GALNT13: variants seen among roughly 807,000 people sequenced by gnomAD.
GALNT13 encodes UDP-GalNAc:polypeptide N-acetylgalactosaminyltransferase 13.
In GALNT13, 28 loss-of-function variants were observed where a neutral mutation model predicts 64.2. That is an observed-to-expected ratio of 0.44 (90% CI 0.32 to 0.60). The LOEUF is 0.60. Among genes scored for constraint, GALNT13 ranks in the 20% least tolerant of loss-of-function variants. The pLI is 0.05. For synonymous variants in GALNT13, 214 were observed against 224.6 expected, an observed-to-expected ratio of 0.95 and a Z score of 0.42; for missense variants, 577 against 669.8, an observed-to-expected ratio of 0.86 and a Z score of 1.53.
the GALNT13 span, among the ~76,000 whole-genome samples, chr2:153,508,690 G>A: frequency 6.6e-6 from 1 of 152,198 alleles, no homozygotes; most frequent in African/African-American, 2.4e-5. Flanking sequence ...TAGCATCTCA[G>A]GGAGCCTGCA....
chr2:153,709,078 A>G, the GALNT13 span, among the ~76,000 whole-genome samples: 2 of 152,102 alleles, frequency 1.3e-5, no homozygotes, highest in Non-Finnish European at 1.5e-5. Context: ...CTGCGCAATA[A>G]TTTTTTAAAT....
chr2:154,081,291 T>G (rs1321844982), intron 3 of GALNT13, among the ~76,000 whole-genome samples: 1 of 151,626 alleles, frequency 6.6e-6, no homozygotes, highest in Non-Finnish European at 1.5e-5. Context: ...AATATTGACA[T>G]GTGAGCCATC....
chr2:153,220,499 A>G, the GALNT13 span, among the ~76,000 whole-genome samples: 6 of 152,198 alleles, frequency 3.9e-5, no homozygotes, highest in Non-Finnish European at 7.3e-5. Context: ...CACACTGCGC[A>G]TGCTCACCTC....
intron 1 of GALNT13, among the ~76,000 whole-genome samples, chr2:153,892,990 T>G (rs1431377829): frequency 6.6e-6 from 1 of 152,120 alleles, no homozygotes; most frequent in Non-Finnish European, 1.5e-5. Flanking sequence ...TCACAAGATA[T>G]GAAGTCTTGA....
the GALNT13 span, among the ~76,000 whole-genome samples, chr2:153,510,641 A>G: frequency 6.6e-6 from 1 of 152,128 alleles, no homozygotes; most frequent in Non-Finnish European, 1.5e-5. Context: ...ACCTTCAGCG[A>G]TTCTGCTTTA....
chr2:153,620,734 T>C, the GALNT13 span, among the ~76,000 whole-genome samples: 4 of 152,080 alleles, frequency 2.6e-5, no homozygotes, highest in Non-Finnish European at 4.4e-5. Flanking sequence ...AAGTCCTATA[T>C]CTCTGTTTCT....
At chr2:153,957,456 A>G (rs1692641562) in intron 3 of GALNT13, among the ~76,000 whole-genome samples, 1 of 152,226 alleles carries the variant, frequency 6.6e-6, no homozygotes, top group African/African-American at 2.4e-5. Flanking sequence ...CAATGGTCCA[A>G]GACTTCCAGT....
the GALNT13 span, among the ~76,000 whole-genome samples, chr2:153,555,782 A>G: frequency 3.3e-5 from 5 of 152,318 alleles, no homozygotes; most frequent in African/African-American, 1.2e-4. Context: ...TGTTTGTAAG[A>G]TCCGATCTTT....
At chr2:154,348,864 G>C (rs937196099) in intron 9 of GALNT13, among the ~76,000 whole-genome samples, 1 of 152,142 alleles carries the variant, frequency 6.6e-6, no homozygotes, top group Non-Finnish European at 1.5e-5. Context: ...GAATCAAACA[G>C]AGCCTTTCCA....
At chr2:154,077,040 A>G (rs907916656) in intron 3 of GALNT13, among the ~76,000 whole-genome samples, 3 of 151,668 alleles carry the variant, frequency 2.0e-5, no homozygotes, top group Non-Finnish European at 3.0e-5. Context: ...GAGGCCAAAT[A>G]ATAGTTGTAA....
At chr2:153,792,978 T>C in the GALNT13 span, among the ~76,000 whole-genome samples, 14 of 147,754 alleles carry the variant, frequency 9.5e-5, no homozygotes, top group Non-Finnish European at 2.1e-4. Context: ...TTCTTTTTTT[T>C]TTTTTTTTTT....
the GALNT13 span, among the ~76,000 whole-genome samples, chr2:153,436,954 T>C: frequency 6.6e-6 from 1 of 152,212 alleles, no homozygotes; most frequent in Admixed American, 6.5e-5. Flanking sequence ...CTTTCTCTTG[T>C]GGGCATTTAG....
At chr2:153,642,959 A>G in the GALNT13 span, among the ~76,000 whole-genome samples, 2 of 151,662 alleles carry the variant, frequency 1.3e-5, no homozygotes, top group African/African-American at 2.4e-5. Context: ...TAATTGATGT[A>G]TCAAGACAAT....
chr2:153,770,498 C>G, the GALNT13 span, among the ~76,000 whole-genome samples: 1 of 152,224 alleles, frequency 6.6e-6, no homozygotes, highest in Non-Finnish European at 1.5e-5. Context: ...CTACCCAGTG[C>G]TACGCACTGG....
At chr2:154,246,020 C>T (rs754288330) in intron 7 of GALNT13, 38 bp downstream of exon 7, 46 of 1,412,428 alleles carry the variant, frequency 3.3e-5, no homozygotes, top group African/African-American at 2.9e-5. Context: ...ATGTATATCC[C>T]CCTAAAAATT....
chr2:153,948,164 CT>C (rs928063786), intron 3 of GALNT13, among the ~76,000 whole-genome samples: 19 of 150,890 alleles, frequency 1.3e-4, no homozygotes, highest in Admixed American at 9.3e-4. Flanking sequence ...GACTTTTGGG[CT>C]TTTTTTGGTT....
chr2:153,181,034 T>TTTTC, the GALNT13 span, among the ~76,000 whole-genome samples: 1 of 122,938 alleles, frequency 8.1e-6, no homozygotes, highest in East Asian at 2.5e-4. Flanking sequence ...TTGTTTCTTT[T>TTTTC]TTTTTTTTTT....
the GALNT13 span, among the ~76,000 whole-genome samples, chr2:153,539,949 A>T: frequency 6.6e-6 from 1 of 152,232 alleles, no homozygotes; most frequent in Admixed American, 6.5e-5. Context: ...ACAATATGGT[A>T]GAAAAGAAAA....
chr2:154,421,725 A>G (rs996984305), intron 11 of GALNT13, among the ~76,000 whole-genome samples: 3 of 152,132 alleles, frequency 2.0e-5, no homozygotes, highest in African/African-American at 7.2e-5. Flanking sequence ...AATTTGAAGC[A>G]TGTGTTAGCA....
Sources: allele counts gnomAD v4.1 joint callset (sites outside exome capture counted in the v4.1 genomes callset), GRCh38; gene constraint gnomAD v4.1.1; transcripts MANE v1.5; gene names NCBI Gene and HGNC (gene_info 2026-07-23, HGNC 2026-07-21).